Variants in DGKB observed in about 807,000 individuals in gnomAD.
DGKB encodes 90 kDa diacylglycerol kinase.
A neutral mutation model predicts 114.3 loss-of-function variants in DGKB; 67 were observed. That is an observed-to-expected ratio of 0.59 (90% CI 0.48 to 0.72). The LOEUF (loss-of-function observed/expected upper bound fraction) is 0.72. DGKB is among the 30% of genes least tolerant of loss of function. The pLI is 0.00. For missense variants in DGKB, 907 were observed against 975.2 expected, an observed-to-expected ratio of 0.93 and a Z score of 0.93; for synonymous variants, 398 against 323.1, an observed-to-expected ratio of 1.23 and a Z score of -2.49.
chr7:14,458,388 T>C (rs1832604097), intron 21 of DGKB, among the ~76,000 whole-genome samples: 2 of 152,178 alleles, frequency 1.3e-5, no homozygotes, highest in African/African-American at 2.4e-5. Context: ...AATAATATAG[T>C]GTGCCCAGCG....
At chr7:14,187,988 C>T (rs1228845862) in intron 23 of DGKB, among the ~76,000 whole-genome samples, 1 of 151,256 alleles carries the variant, frequency 6.6e-6, no homozygotes, top group Admixed American at 6.6e-5. Flanking sequence ...AGAAATTCAA[C>T]AAAGATGTAT....
At chr7:14,603,964 T>C (rs1023851280) in intron 17 of DGKB, among the ~76,000 whole-genome samples, 3 of 152,154 alleles carry the variant, frequency 2.0e-5, no homozygotes, top group African/African-American at 7.2e-5. Flanking sequence ...CACATTAACA[T>C]GTGAAGTTGG....
In DGKB at chr7:14,717,980, C is replaced by T. The variant is rs189352869; in HGVS notation, c.466+562G>A. 1.7e-3 allele frequency among the ~76,000 whole-genome samples: 257 copies of T among 152,136 alleles called. 1 individual carries two copies. The highest frequency in any genetic ancestry group is 5.9e-3 in the African/African-American group (244 of 41,520). ...TTCAACTGAATAGAAATTCTCTATC[C>T]GCCATGTCCTAAATTTAAGAAACAA... On this transcript the variant is annotated intron_variant, in intron 6 of 25. Coordinates refer to ENST00000402815, the MANE Select transcript of DGKB (RefSeq NM_001350709.2).
intron 1 of DGKB, among the ~76,000 whole-genome samples, chr7:14,856,000 T>C (rs1042582459): frequency 0.023 from 680 of 29,594 alleles, 5 homozygotes; most frequent in African/African-American, 0.18. Flanking sequence ...TATATATATA[T>C]ATACACACAC....
chr7:14,254,662 T>A (rs953246974), intron 23 of DGKB, among the ~76,000 whole-genome samples: 12 of 152,122 alleles, frequency 7.9e-5, no homozygotes, highest in Admixed American at 7.9e-4. Flanking sequence ...GAGTACTTTA[T>A]ATATTTCAAT....
upstream of DGKB, among the ~76,000 whole-genome samples, chr7:14,905,150 TAAG>T (rs962044992): frequency 6.6e-6 from 1 of 151,736 alleles, no homozygotes; most frequent in Non-Finnish European, 1.5e-5. Context: ...TCATTATAAA[TAAG>T]AAGGAGTCTA....
At chr7:14,353,066 A>C (rs1377769724) in intron 21 of DGKB, among the ~76,000 whole-genome samples, 2 of 152,236 alleles carry the variant, frequency 1.3e-5, no homozygotes, top group Non-Finnish European at 2.9e-5. Context: ...GCACTGTCTC[A>C]AATGAGCTTA....
At chr7:14,574,437 G>A in intron 19 of DGKB, 65 bp from the exon 20 acceptor site, 1 of 1,381,752 alleles carries the variant, frequency 7.2e-7, no homozygotes, top group Non-Finnish European at 1.0e-6. Flanking sequence ...GTATTTTTAT[G>A]TTTCAGTGTG....
intron 18 of DGKB, among the ~76,000 whole-genome samples, chr7:14,581,550 C>T (rs935606585): frequency 6.6e-6 from 1 of 152,194 alleles, no homozygotes; most frequent in Non-Finnish European, 1.5e-5. Flanking sequence ...CTTTACATCA[C>T]ATAATGCTTT....
At chr7:14,280,910 C>CA (rs1442855770) in intron 23 of DGKB, among the ~76,000 whole-genome samples, 2 of 151,706 alleles carry the variant, frequency 1.3e-5, no homozygotes, top group African/African-American at 4.9e-5. Context: ...AAAATCATGC[C>CA]AAAATAGAAA....
At chr7:14,352,600 C>G (rs1436695197) in intron 21 of DGKB, among the ~76,000 whole-genome samples, 3 of 152,016 alleles carry the variant, frequency 2.0e-5, no homozygotes, top group Non-Finnish European at 4.4e-5. Flanking sequence ...AAACAATAAC[C>G]AATCATGTTA....
At chr7:14,570,761 T>C (rs1234912383) in intron 20 of DGKB, among the ~76,000 whole-genome samples, 1 of 151,954 alleles carries the variant, frequency 6.6e-6, no homozygotes, top group African/African-American at 2.4e-5. Flanking sequence ...CTCCCAGAGG[T>C]GGCAGAGGCA....
intron 1 of DGKB, among the ~76,000 whole-genome samples, chr7:14,851,374 G>T (rs1302299725): frequency 2.6e-5 from 4 of 152,060 alleles, no homozygotes; most frequent in Admixed American, 2.0e-4. Flanking sequence ...TCCTTCAAGT[G>T]AATTTTCTAT....
chr7:14,233,837 T>G (rs1792305748), intron 23 of DGKB, among the ~76,000 whole-genome samples: 1 of 151,920 alleles, frequency 6.6e-6, no homozygotes, highest in Non-Finnish European at 1.5e-5. Flanking sequence ...CCCCTCCCAC[T>G]CCACACCTAC....
intron 1 of DGKB, among the ~76,000 whole-genome samples, chr7:14,972,903 T>C (rs953825582): frequency 8.5e-5 from 13 of 152,084 alleles, no homozygotes; most frequent in Non-Finnish European, 1.9e-4. Context: ...TGTGTATACA[T>C]ACATATAGGT....
At chr7:14,439,944 T>C (rs945046138) in intron 21 of DGKB, among the ~76,000 whole-genome samples, 1 of 151,890 alleles carries the variant, frequency 6.6e-6, no homozygotes, top group African/African-American at 2.4e-5. Flanking sequence ...CTACAACAGT[T>C]ACTACTGTTA....
intron 1 of DGKB, among the ~76,000 whole-genome samples, chr7:14,893,596 G>A (rs1401429145): frequency 1.3e-5 from 2 of 151,038 alleles, no homozygotes; most frequent in African/African-American, 2.4e-5. Context: ...TTCCTAGTTC[G>A]TTGCCGTTAT....
intron 25 of DGKB, among the ~76,000 whole-genome samples, chr7:14,154,779 G>A (rs1782741489): frequency 6.7e-6 from 1 of 150,134 alleles, no homozygotes; most frequent in Non-Finnish European, 1.5e-5. Context: ...AGCATCTAAT[G>A]AGAAGATCTG....
At chr7:14,865,519 C>T (rs754946822) in intron 1 of DGKB, among the ~76,000 whole-genome samples, 34 of 152,314 alleles carry the variant, frequency 2.2e-4, no homozygotes, top group Non-Finnish European at 3.4e-4. Context: ...TTCTCTTTAC[C>T]GTCTTCAATT....
Sources: allele counts gnomAD v4.1 joint callset (sites outside exome capture counted in the v4.1 genomes callset), GRCh38; gene constraint gnomAD v4.1.1; transcripts MANE v1.5; gene names NCBI Gene and HGNC (gene_info 2026-07-23, HGNC 2026-07-21).